PRMT3: variants seen among roughly 807,000 people sequenced by gnomAD.
PRMT3 encodes protein arginine methyltransferase 3, also known as protein arginine N-methyltransferase 3.
Under a neutral mutation model 71.9 loss-of-function variants are expected in PRMT3, and 62 were observed. The observed-to-expected ratio is 0.86, with a 90% confidence interval of 0.70 to 1.07. The LOEUF (loss-of-function observed/expected upper bound fraction) is 1.07. PRMT3 is among the 50% of genes least tolerant of loss of function. The pLI is 0.00. For synonymous variants in PRMT3, 213 were observed against 220.4 expected (o/e 0.97, Z 0.30); for missense variants, 663 against 643.0 (o/e 1.03, Z -0.34).
chr11:20,477,034 AAGCACAAGATC>A (rs1195871278), intron 13 of PRMT3, among the ~76,000 whole-genome samples: 2 of 152,184 alleles, frequency 1.3e-5, no homozygotes, highest in Non-Finnish European at 2.9e-5. Context: ...CCCGTGTCTT[AAGCACAAGATC>A]AAGCCCTTCC....
chr11:20,508,149 T>TAAAA (rs11338942), intron 15 of PRMT3, among the ~76,000 whole-genome samples, 155 bp from the exon 16 acceptor site: 1 of 122,890 alleles, frequency 8.1e-6, no homozygotes, highest in African/African-American at 3.1e-5. Context: ...GACTCCATCT[T>TAAAA]AAAAAAAAAA....
chr11:20,450,653 G>A (rs766996987), intron 10 of PRMT3, among the ~76,000 whole-genome samples: 2 of 151,868 alleles, frequency 1.3e-5, no homozygotes, highest in Non-Finnish European at 2.9e-5. Context: ...CAGTGAGCTG[G>A]GGGGAATAGG....
At chr11:20,410,733 G>A (rs1054425421) in intron 9 of PRMT3, among the ~76,000 whole-genome samples, 2 of 151,970 alleles carry the variant, frequency 1.3e-5, no homozygotes, top group African/African-American at 4.8e-5. Context: ...TAAAGTCTCC[G>A]GGAAAGCTAC....
chr11:20,387,873 TG>T lies in PRMT3; in HGVS notation c.28+105del. 1.3e-6 allele frequency: 2 copies of T among 1,531,802 alleles called. No individual in the cohort carries two copies. Among genetic ancestry groups the T allele is most frequent in the South Asian group, 1.2e-5 (1 of 83,968 alleles). 94.9% of individuals were successfully genotyped at this position (1,531,802 alleles called of 1,614,324 possible). On this transcript the variant is annotated intron_variant, in intron 1 of 15. Transcript: ENST00000331079. This position sits in a 1 kb window ranked among gnomAD's most constrained non-coding sequence, Gnocchi z 4.3. ...CTCCGGGACACGGGCCCGGGCAGGGTGGGGGGCTCGCAGGGATCATGAAGGA... is the reference window on the plus strand; with the variant it reads ...CTCCGGGACACGGGCCCGGGCAGGGTGGGGGCTCGCAGGGATCATGAAGGA...
In PRMT3 at chr11:20,442,759, A is replaced by G. The variant is rs149612041; in HGVS notation, c.994-9371A>G. Among the ~76,000 whole-genome samples the G allele has an allele frequency of 1.4e-3, 214 of 152,334 alleles. 1 individual carries two copies. Among genetic ancestry groups the G allele is most frequent in the Admixed American group, 5.0e-3 (77 of 15,308 alleles). ...AGGTTTTTATTCTTGTGTAGAATAA[A>G]TTGTATAGACAATTACATTCTACGT... On this transcript the variant is annotated intron_variant, in intron 10 of 15. Coordinates refer to ENST00000331079, the MANE Select transcript of PRMT3 (RefSeq NM_005788.4).
chr11:20,431,595 A>G (rs1315932790), intron 10 of PRMT3, among the ~76,000 whole-genome samples: 3 of 152,150 alleles, frequency 2.0e-5, no homozygotes, highest in African/African-American at 7.2e-5. Flanking sequence ...GAACATTCTT[A>G]GGGCTTCTCC....
chr11:20,447,065 A>G (rs1850046905), intron 10 of PRMT3, among the ~76,000 whole-genome samples: 2 of 152,204 alleles, frequency 1.3e-5, no homozygotes, highest in African/African-American at 4.8e-5. Context: ...AATCATTGAA[A>G]AAACTTTGCA....
chr11:20,449,049 A>G (rs1169628528), intron 10 of PRMT3, among the ~76,000 whole-genome samples: 1 of 152,150 alleles, frequency 6.6e-6, no homozygotes, highest in Non-Finnish European at 1.5e-5. Flanking sequence ...ATTCCCAGGA[A>G]TTTAAAGGCT....
chr11:20,452,280 A>G, intron 11 of PRMT3, 72 bp downstream of exon 11: 2 of 1,229,006 alleles, frequency 1.6e-6, no homozygotes, highest in East Asian at 2.3e-5. Flanking sequence ...TGGATTTCAA[A>G]TAAACTATGC....
At position 20,508,445 on chromosome 11, in the gene PRMT3, T is replaced by G; in HGVS notation, c.*32T>G. The G allele has an allele frequency of 6.7e-7, 1 of 1,481,696 alleles. No homozygotes were observed. The highest frequency in any genetic ancestry group is 9.4e-7 in the Non-Finnish European group (1 of 1,059,760). 91.8% of individuals were successfully genotyped at this position (1,481,696 alleles called of 1,614,324 possible). On this transcript the variant is annotated 3_prime_UTR_variant, in exon 16 of 16. Transcript: ENST00000331079. ...CATAAAAGCACACTACCTTGTAGTT[T>G]TTAATGTGGGGGTAGAGTGGGTCAG...
At chr11:20,501,102 C>T (rs898400967) in intron 15 of PRMT3, among the ~76,000 whole-genome samples, 2 of 152,160 alleles carry the variant, frequency 1.3e-5, no homozygotes, top group Non-Finnish European at 1.5e-5. Flanking sequence ...ACCTCTTTCA[C>T]TTGATAAATT....
At chr11:20,505,715 A>G (rs911739703) in intron 15 of PRMT3, among the ~76,000 whole-genome samples, 1 of 152,134 alleles carries the variant, frequency 6.6e-6, no homozygotes, top group Non-Finnish European at 1.5e-5. Context: ...AAAATCTTAA[A>G]TGTGTTCAAT....
intron 9 of PRMT3, among the ~76,000 whole-genome samples, chr11:20,410,161 C>T (rs1258262055): frequency 6.6e-6 from 1 of 152,158 alleles, no homozygotes; most frequent in East Asian, 1.9e-4. Context: ...GTAATGATTA[C>T]ACCTAAAATT....
At chr11:20,441,280 T>G (rs1849891955) in intron 10 of PRMT3, among the ~76,000 whole-genome samples, 1 of 143,178 alleles carries the variant, frequency 7.0e-6, no homozygotes, top group African/African-American at 2.5e-5. Flanking sequence ...TATTTATTTA[T>G]TTATTTATTT....
rs1161378937 is a variant in PRMT3, at chr11:20,464,514, A to G, written c.1315A>G (p.Thr439Ala). The G allele has an allele frequency of 5.0e-6, 8 of 1,611,270 alleles. No homozygotes were observed. The highest frequency in any genetic ancestry group is 6.8e-6 in the Non-Finnish European group (8 of 1,179,106). Residue 439 changes from threonine (T) to alanine (A), a missense_variant, in exon 13 of 16, where the codon ACC becomes GCC. Coordinates refer to ENST00000331079, the MANE Select transcript of PRMT3 (RefSeq NM_005788.4). Reference protein sequence around the residue: ...ISDLEFSSDFTLKITRTSMCT... With the variant: ...ISDLEFSSDFALKITRTSMCT... ...AGATTTGGAATTTTCATCAGATTTT[A>G]CCCTGAAAATCACAAGGACATCCAT...
At chr11:20,415,507 A>G (rs1288697598) in intron 9 of PRMT3, among the ~76,000 whole-genome samples, 2 of 138,664 alleles carry the variant, frequency 1.4e-5, no homozygotes, top group Admixed American at 8.0e-5. Flanking sequence ...AAGAGGTCAC[A>G]GGCAGACTTC....
intron 9 of PRMT3, among the ~76,000 whole-genome samples, chr11:20,423,700 G>A (rs1849475412): frequency 6.6e-6 from 1 of 151,582 alleles, no homozygotes; most frequent in Non-Finnish European, 1.5e-5. Context: ...ATTTTTTTAA[G>A]TATTAAAGAT....
chr11:20,504,705 TGTGAGAGAGAGAGAGAGA>T (rs1307027531), intron 15 of PRMT3, among the ~76,000 whole-genome samples: 2 of 109,360 alleles, frequency 1.8e-5, no homozygotes, highest in Non-Finnish European at 3.7e-5. Context: ...TGTGTGTGTG[TGTGAGAGAGAGAGAGAGA>T]GAGAGAGAGA....
intron 13 of PRMT3, among the ~76,000 whole-genome samples, chr11:20,480,002 A>G (rs2133431248): frequency 6.6e-6 from 1 of 152,328 alleles, no homozygotes; most frequent in Non-Finnish European, 1.5e-5. Flanking sequence ...ATAGCACAAC[A>G]TGGATGAATT....
Sources: allele counts gnomAD v4.1 joint callset (sites outside exome capture counted in the v4.1 genomes callset), GRCh38; gene constraint gnomAD v4.1.1; non-coding constraint Gnocchi (gnomAD v3.1); transcripts MANE v1.5; gene names NCBI Gene and HGNC (gene_info 2026-07-23, HGNC 2026-07-21).